The following NXN variants were observed in gnomAD, a reference collection of about 807,000 sequenced individuals.
NXN encodes nucleoredoxin 1.
Under a neutral mutation model 48.6 loss-of-function variants are expected in NXN, and 16 were observed. The ratio of observed to expected loss-of-function variants is 0.33; its 90% CI spans 0.22 to 0.50. NXN has a LOEUF of 0.50. Ranked by LOEUF, NXN falls within the 20% of genes least tolerant of loss-of-function variation. NXN has a pLI of 0.98. For missense variants in NXN, 492 were observed against 605.5 expected (o/e 0.81, Z 1.97); for synonymous variants, 281 against 269.6 (o/e 1.04, Z -0.41).
chr17:905,250 T>C (rs921344911), intron 1 of NXN: 1 of 148,656 alleles, frequency 6.7e-6, no homozygotes, highest in Non-Finnish European at 1.5e-5. Flanking sequence ...TGTCTGTAAA[T>C]GTAAATATAT....
intron 1 of NXN, among the ~76,000 whole-genome samples, chr17:891,609 G>A (rs1179838265): frequency 1.3e-5 from 2 of 152,168 alleles, no homozygotes; most frequent in Non-Finnish European, 2.9e-5. Context: ...TTCAACACGG[G>A]GGACCTCAAC....
At chr17:930,134 A>C (rs2150595957) in intron 1 of NXN, 1 of 152,286 alleles carries the variant, frequency 6.6e-6, no homozygotes, top group Non-Finnish European at 1.5e-5. Flanking sequence ...GGACTCTCCA[A>C]GTTAAAAAGG....
At chr17:804,042 C>T (rs890155141) in intron 6 of NXN, 2 of 543,030 alleles carry the variant, frequency 3.7e-6, no homozygotes, top group South Asian at 2.1e-5. Flanking sequence ...CCAGGAGGAA[C>T]CTGCCTCACT....
chr17:827,338 C>T (rs573838933), intron 1 of NXN, among the ~76,000 whole-genome samples: 10 of 149,632 alleles, frequency 6.7e-5, no homozygotes, highest in East Asian at 2.0e-4. Context: ...ATTAGCTGGA[C>T]GTGGCCGGGT....
At chr17:961,424 G>C (rs2069236227) in intron 1 of NXN, among the ~76,000 whole-genome samples, 1 of 151,902 alleles carries the variant, frequency 6.6e-6, no homozygotes, top group Non-Finnish European at 1.5e-5. Flanking sequence ...TGTTCAACAA[G>C]ACAGTAAGTA....
At chr17:819,348 G>T in intron 5 of NXN, 91 bp downstream of exon 5, 1 of 845,194 alleles carries the variant, frequency 1.2e-6, no homozygotes. Flanking sequence ...AAATAATGAT[G>T]CTCTTCTTCT....
rs1353819147 is a variant in NXN, at chr17:919,885, G to C, written c.360+59434C>G. Among the ~76,000 whole-genome samples, 2 of 152,080 alleles carry C rather than the reference G, an allele frequency of 1.3e-5. No individual in the cohort carries two copies. Among genetic ancestry groups the C allele is most frequent in the African/African-American group, 2.4e-5 (1 of 41,404 alleles). ...TACACCTCCCTCTTGTCACCTTGCA[G>C]ACTGGTATTCACTAACCCCCAGGCC... is the stretch of plus-strand genomic sequence containing the variant. On this transcript the variant is annotated intron_variant, in intron 1 of 7. Transcript: ENST00000336868. This position sits in a 1 kb window ranked among gnomAD's most constrained non-coding sequence, Gnocchi z 5.1.
chr17:963,445 TA>T (rs1469091326), intron 1 of NXN, among the ~76,000 whole-genome samples: 1 of 151,518 alleles, frequency 6.6e-6, no homozygotes, highest in African/African-American at 2.4e-5. Context: ...CTACAAAAAA[TA>T]AAAACATCAG....
chr17:814,557 A>G (rs1448398687), intron 5 of NXN, among the ~76,000 whole-genome samples: 1 of 152,154 alleles, frequency 6.6e-6, no homozygotes, highest in Non-Finnish European at 1.5e-5. Flanking sequence ...GTACGAAATG[A>G]CACGTACTCG....
rs981147231 is a variant in NXN at position 800,567 on chromosome 17, C to T, written c.*382G>A. On this transcript the variant is annotated 3_prime_UTR_variant, in exon 8 of 8. Transcript: ENST00000336868. ...ACCCGGCGGTTCCCCTCTGGCCGTCCGGGGCCGTGTGTGCCGACGTCAGAG... is the reference window on the plus strand; with the variant it reads ...ACCCGGCGGTTCCCCTCTGGCCGTCTGGGGCCGTGTGTGCCGACGTCAGAG... 8 of 160,116 alleles carry T rather than the reference C, an allele frequency of 5.0e-5. No individual in the cohort carries two copies. The highest frequency in any genetic ancestry group is 1.3e-4 in the Admixed American group (2 of 15,490). The allele number at this position is 160,116 out of a possible 1,614,324, so 9.9% of individuals were successfully genotyped here.
At chr17:976,768 C>CT (rs397962595) in intron 1 of NXN, among the ~76,000 whole-genome samples, 23,866 of 142,432 alleles carry the variant, frequency 0.17, 3,094 homozygotes, top group African/African-American at 0.37. Flanking sequence ...AAAATAATTC[C>CT]TTTTTTTTTT....
At chr17:831,445 C>CTTTATGTATTTATTTA (rs1555611691) in intron 1 of NXN, among the ~76,000 whole-genome samples, 2 of 149,008 alleles carry the variant, frequency 1.3e-5, no homozygotes, top group African/African-American at 5.0e-5. Context: ...TGAGGGCCGA[C>CTTTATGTATTTATTTA]TTTATTTATT....
chr17:939,049 T>G (rs2068940550), intron 1 of NXN, among the ~76,000 whole-genome samples: 1 of 150,090 alleles, frequency 6.7e-6, no homozygotes, highest in South Asian at 2.1e-4. Context: ...TGAGACTCCC[T>G]CTCAAAAAAA....
chr17:855,947 C>A (rs1259642202), intron 1 of NXN, among the ~76,000 whole-genome samples: 2 of 152,122 alleles, frequency 1.3e-5, no homozygotes, highest in Non-Finnish European at 2.9e-5. Context: ...GTAATCCCAG[C>A]ACTTTGGGAG....
At chr17:950,291 AGAAAGGGATTCGGTGGG>A (rs565195804) in intron 1 of NXN, among the ~76,000 whole-genome samples, 1 of 152,334 alleles carries the variant, frequency 6.6e-6, no homozygotes, top group African/African-American at 2.4e-5. Context: ...TTTTTATACA[AGAAAGGGATTCGGTGGG>A]GGAAGGGAGT....
chr17:925,451 C>T (rs765559059), intron 1 of NXN, among the ~76,000 whole-genome samples: 17 of 152,290 alleles, frequency 1.1e-4, no homozygotes, highest in Non-Finnish European at 1.9e-4. Context: ...TGCAATGGCG[C>T]GATCTCAGCT....
chr17:815,961 G>C (rs1432723521), intron 5 of NXN, among the ~76,000 whole-genome samples: 1 of 152,166 alleles, frequency 6.6e-6, no homozygotes, highest in East Asian at 1.9e-4. Context: ...ACACATCAGA[G>C]ACCATCACCT....
intron 5 of NXN, among the ~76,000 whole-genome samples, chr17:810,131 TGCACGTTACGA>T: frequency 8.6e-6 from 1 of 116,170 alleles, no homozygotes; most frequent in Non-Finnish European, 1.7e-5. Context: ...GTGAGTGGCG[TGCACGTTACGA>T]GTCTGTGACT....
intron 1 of NXN, among the ~76,000 whole-genome samples, chr17:976,797 G>C (rs970782635): frequency 6.8e-6 from 1 of 146,786 alleles, no homozygotes; most frequent in Non-Finnish European, 1.5e-5. Flanking sequence ...ACAGAGTTTC[G>C]CTCTTGTTGC....
Sources: gnomAD v4.1 joint callset for allele counts (sites outside exome capture counted in the v4.1 genomes callset) on GRCh38, gnomAD v4.1.1 for gene constraint, Gnocchi (gnomAD v3.1) non-coding constraint, MANE v1.5 for transcripts, NCBI Gene and HGNC (gene_info 2026-07-23, HGNC 2026-07-21) for gene names.